MYO9A: variants seen among roughly 807,000 people sequenced by gnomAD.
MYO9A encodes myosin IXA.
Under a neutral mutation model 293.3 loss-of-function variants are expected in MYO9A, and 103 were observed. That is an observed-to-expected ratio of 0.35 (90% CI 0.30 to 0.41). The LOEUF is 0.41. Ranked by LOEUF, MYO9A falls within the 10% of genes least tolerant of loss-of-function variation. MYO9A has a pLI of 1.00. For synonymous variants in MYO9A, 1,001 were observed against 1,035.7 expected (o/e 0.97, Z 0.64); for missense variants, 2,685 against 3,033.0 (o/e 0.89, Z 2.69).
intron 2 of MYO9A, among the ~76,000 whole-genome samples, chr15:72,037,911 C>CTTT (rs918016153): frequency 4.3e-5 from 6 of 139,992 alleles, no homozygotes; most frequent in African/African-American, 1.0e-4. Context: ...AGACTATCAG[C>CTTT]TTTTTTTTTT....
intron 1 of MYO9A, among the ~76,000 whole-genome samples, chr15:72,105,926 AT>A (rs2080551378): frequency 1.3e-5 from 2 of 152,222 alleles, no homozygotes; most frequent in Non-Finnish European, 2.9e-5. Flanking sequence ...GTACATCCGT[AT>A]AATAGAATAT....
At chr15:71,927,930 A>G (rs2058355304) in intron 18 of MYO9A, among the ~76,000 whole-genome samples, 1 of 145,956 alleles carries the variant, frequency 6.9e-6, no homozygotes, top group Non-Finnish European at 1.5e-5. Flanking sequence ...CTAACCATAA[A>G]TGTACGGGTT....
chr15:71,974,712 TAAGA>T (rs142095823), intron 12 of MYO9A, among the ~76,000 whole-genome samples: 2,362 of 152,278 alleles, frequency 0.016, 31 homozygotes, highest in South Asian at 0.029. Flanking sequence ...AAATTGGGGC[TAAGA>T]GTGAATGCAA....
intron 28 of MYO9A, 106 bp downstream of exon 28, chr15:71,883,488 C>A: frequency 5.0e-6 from 6 of 1,206,842 alleles, no homozygotes; most frequent in Non-Finnish European, 6.9e-6. Context: ...CTCATTAGAA[C>A]ATCCAGCCAA....
chr15:72,067,371 G>A (rs771089618), intron 1 of MYO9A, among the ~76,000 whole-genome samples: 3 of 151,668 alleles, frequency 2.0e-5, no homozygotes, highest in Non-Finnish European at 2.9e-5. Flanking sequence ...GTCCAGTGGC[G>A]CAGTATCGAC....
At chr15:71,869,091 A>T (rs1461642221) in intron 32 of MYO9A, among the ~76,000 whole-genome samples, 1 of 152,190 alleles carries the variant, frequency 6.6e-6, no homozygotes, top group Non-Finnish European at 1.5e-5. Context: ...CTATTTAGCA[A>T]CCATCACAGC....
At chr15:72,010,853 C>G (rs556796409) in intron 6 of MYO9A, among the ~76,000 whole-genome samples, 1 of 152,240 alleles carries the variant, frequency 6.6e-6, no homozygotes, top group Non-Finnish European at 1.5e-5. Flanking sequence ...AAATATTTAA[C>G]AAGTGCCTAC....
At chr15:71,852,693 C>T (rs934645859) in intron 35 of MYO9A, among the ~76,000 whole-genome samples, 2 of 152,202 alleles carry the variant, frequency 1.3e-5, no homozygotes, top group Non-Finnish European at 2.9e-5. Flanking sequence ...AACTGACTAA[C>T]CTATTTTCCA....
At chr15:72,086,854 G>A (rs1188373539) in intron 1 of MYO9A, among the ~76,000 whole-genome samples, 4 of 151,884 alleles carry the variant, frequency 2.6e-5, no homozygotes, top group Non-Finnish European at 4.4e-5. Context: ...CACAACCTCC[G>A]CCTCCCAGGT....
intron 2 of MYO9A, chr15:72,036,607 G>A (rs370691206): frequency 2.0e-5 from 3 of 152,006 alleles, no homozygotes; most frequent in East Asian, 1.9e-4. Flanking sequence ...AACAGGGATG[G>A]AACTCATCCA....
intron 1 of MYO9A, among the ~76,000 whole-genome samples, chr15:72,101,939 T>C (rs1484912063): frequency 6.6e-6 from 1 of 151,758 alleles, no homozygotes; most frequent in Non-Finnish European, 1.5e-5. Flanking sequence ...CCGCCCCTAC[T>C]GGGAAGTGAG....
chr15:71,982,515 C>T (rs555949751), intron 11 of MYO9A, among the ~76,000 whole-genome samples: 2 of 152,210 alleles, frequency 1.3e-5, no homozygotes, highest in South Asian at 4.1e-4. Flanking sequence ...GTGCATTCTG[C>T]AGCTGTTGAT....
rs1396070124 is a variant in MYO9A, at chr15:71,826,762, T to C, written c.7465A>G (p.Ser2489Gly). ...TTTTCCGGGTTGAAGGTTCCTCTGC[T>C]GATGAACTGAGGCTTGTCTTCCAGG... The part of the protein sequence containing the change: ...KFLEDKPQFI[S>G]RGTFNPEKGK... Residue 2489 changes from serine (S) to glycine (G), a missense_variant, in exon 42 of 42, where the codon AGC becomes GGC. Ser to Gly is a moderately conservative substitution (Grantham distance 56). Transcript: ENST00000356056. 1.2e-6 allele frequency: 2 copies of C among 1,614,006 alleles called. No individual in the cohort carries two copies. The highest frequency in any genetic ancestry group is 2.2e-5 in the East Asian group (1 of 44,900).
intron 1 of MYO9A, among the ~76,000 whole-genome samples, chr15:72,100,058 G>T (rs368890972): frequency 8.3e-4 from 127 of 152,106 alleles, no homozygotes; most frequent in Middle Eastern, 3.4e-3. Flanking sequence ...AGACCAGCCT[G>T]GGCAGTATAG....
Position 72,044,415 on chromosome 15 carries a change from A to G in MYO9A, c.840+1309T>C, listed in dbSNP as rs181539000. On this transcript the variant is annotated intron_variant, in intron 2 of 41. Transcript: ENST00000356056. ...AGCAAAATTGTCTCAAAAAAAAAAA[A>G]AAAGAAATTTTCAAGTATATAATGT... Among the ~76,000 whole-genome samples, 87 of 152,266 alleles carry G rather than the reference A, an allele frequency of 5.7e-4. 1 individual carries two copies. The highest frequency in any genetic ancestry group is 5.0e-3 in the East Asian group (26 of 5,186).
chr15:71,893,808 A>ATT, intron 25 of MYO9A, 30 bp from the exon 26 acceptor site: 1 of 1,566,818 alleles, frequency 6.4e-7, no homozygotes, highest in Non-Finnish European at 8.8e-7. Context: ...ATTACATTTC[A>ATT]GTTCTTAGCA....
intron 1 of MYO9A, among the ~76,000 whole-genome samples, chr15:72,048,933 G>A (rs1316244287): frequency 6.6e-6 from 1 of 151,888 alleles, no homozygotes; most frequent in Non-Finnish European, 1.5e-5. Flanking sequence ...TTTTTCCGCC[G>A]ATTTACATTT....
At chr15:71,948,944 T>A (rs905670831) in intron 15 of MYO9A, among the ~76,000 whole-genome samples, 1 of 64,788 alleles carries the variant, frequency 1.5e-5, no homozygotes, top group Non-Finnish European at 4.5e-5. Context: ...GGTTCAAATT[T>A]TTTTTGTGAG....
At chr15:72,027,286 G>C (rs2077703288) in intron 4 of MYO9A, among the ~76,000 whole-genome samples, 1 of 152,160 alleles carries the variant, frequency 6.6e-6, no homozygotes, top group South Asian at 2.1e-4. Context: ...TCTCACTGTA[G>C]CATGAAACAA....
Sources: gnomAD v4.1 joint callset for allele counts (sites outside exome capture counted in the v4.1 genomes callset) on GRCh38, gnomAD v4.1.1 for gene constraint, MANE v1.5 for transcripts, NCBI Gene and HGNC (gene_info 2026-07-23, HGNC 2026-07-21) for gene names.